TEX11: variants seen among roughly 807,000 people sequenced by gnomAD.
TEX11 encodes the protein testis-expressed protein 11.
In TEX11, 7 loss-of-function variants were observed where a neutral mutation model predicts 84.4. The observed-to-expected ratio is 0.08, with a 90% CI of 0.05 to 0.16. TEX11 has a LOEUF of 0.16. Ranked by LOEUF, TEX11 falls within the 10% of genes least tolerant of loss-of-function variation. TEX11 has a pLI of 1.00. For synonymous variants in TEX11, 264 were observed against 222.8 expected (o/e 1.18, Z -1.64); for missense variants, 551 against 660.5 (o/e 0.83, Z 1.82).
intron 25 of TEX11, among the ~76,000 whole-genome samples, chrX:70,558,813 AAC>A (rs2088323444): frequency 2.7e-5 from 3 of 112,197 alleles, no homozygotes; most frequent in African/African-American, 9.7e-5. Context: ...AAAGATGCTC[AAC>A]ACCATTGGTC....
chrX:70,838,192 G>C (rs988990043), intron 7 of TEX11, among the ~76,000 whole-genome samples: 1 of 111,885 alleles, frequency 8.9e-6, no homozygotes, highest in Non-Finnish European at 1.9e-5. Flanking sequence ...GCCGAGGTGG[G>C]TGGATCACCT....
chrX:70,551,514 A>C (rs891702829), intron 28 of TEX11, among the ~76,000 whole-genome samples: 6 of 111,319 alleles, frequency 5.4e-5, no homozygotes, highest in Non-Finnish European at 1.1e-4. Context: ...GTATGGGTAC[A>C]TGTACACCGC....
intron 4 of TEX11, among the ~76,000 whole-genome samples, chrX:70,864,741 CA>C (rs1158189701): frequency 2.8e-3 from 101 of 36,042 alleles, no homozygotes; most frequent in South Asian, 5.2e-3. Context: ...GATGCCATCT[CA>C]AAAAAAAAAA....
At chrX:70,742,437 T>C (rs2090739543) in intron 10 of TEX11, among the ~76,000 whole-genome samples, 1 of 109,838 alleles carries the variant, frequency 9.1e-6, no homozygotes, top group Admixed American at 9.9e-5. Context: ...AAACTTTTTT[T>C]AAAATCTTAG....
intron 9 of TEX11, among the ~76,000 whole-genome samples, chrX:70,772,645 A>G (rs946905055): frequency 1.8e-5 from 2 of 111,594 alleles, no homozygotes; most frequent in Non-Finnish European, 3.8e-5. Flanking sequence ...CCAGTCACCA[A>G]TTCTAAAGAA....
chrX:70,678,192 T>C (rs1014563815), intron 15 of TEX11, among the ~76,000 whole-genome samples: 3 of 110,411 alleles, frequency 2.7e-5, no homozygotes, highest in African/African-American at 9.9e-5. Context: ...CCTTTTTTTT[T>C]CTTTTCGTCT....
In TEX11 at chrX:70,627,476, C is replaced by CA. The variant is rs373904099; in HGVS notation, c.1608+2134dup. 4.9e-3 allele frequency among the ~76,000 whole-genome samples: 552 copies of CA among 111,651 alleles called. 4 individuals carry two copies. The highest frequency in any genetic ancestry group is 0.017 in the African/African-American group (523 of 30,758). ...TAATCTATGGTGGCAGTTGAGAAGG[C>CA]AGACTATGTGGTGTGATTCCTGGTG... On this transcript the variant is annotated intron_variant, in intron 18 of 29. Coordinates refer to ENST00000374333, the MANE Select transcript of TEX11 (RefSeq NM_031276.3).
At chrX:70,637,985 G>T (rs1603176335) in intron 17 of TEX11, among the ~76,000 whole-genome samples, 1 of 110,072 alleles carries the variant, frequency 9.1e-6, no homozygotes, top group Non-Finnish European at 1.9e-5. Context: ...AAAAGCTTAG[G>T]GACTTATGGG....
chrX:70,700,528 T>C (rs1179459955), intron 13 of TEX11, among the ~76,000 whole-genome samples: 1 of 111,753 alleles, frequency 8.9e-6, no homozygotes, highest in Non-Finnish European at 1.9e-5. Context: ...AACTGCTTCA[T>C]TGACTAATTA....
intron 9 of TEX11, among the ~76,000 whole-genome samples, chrX:70,782,142 G>A (rs761242660): frequency 2.9e-4 from 33 of 112,082 alleles, no homozygotes; most frequent in Non-Finnish European, 4.5e-4. Context: ...CTATAAGCCC[G>A]AAGAGAATGG....
intron 23 of TEX11, among the ~76,000 whole-genome samples, 195 bp from the exon 24 acceptor site, chrX:70,605,712 G>T (rs990174944): frequency 8.9e-6 from 1 of 111,856 alleles, no homozygotes; most frequent in African/African-American, 3.2e-5. Flanking sequence ...ATTGTTTTTA[G>T]TACCTTCCTA....
At chrX:70,696,232 C>T (rs5981005) in intron 13 of TEX11, among the ~76,000 whole-genome samples, 21,533 of 110,560 alleles carry the variant, frequency 0.19, 1,655 homozygotes, top group African/African-American at 0.21. Flanking sequence ...AAAGTGCTCA[C>T]GTATATATGT....
chrX:70,723,439 A>G (rs1162622706), intron 12 of TEX11, among the ~76,000 whole-genome samples: 2 of 112,143 alleles, frequency 1.8e-5, no homozygotes, highest in African/African-American at 6.5e-5. Flanking sequence ...AGTAAGTGAA[A>G]AATTAGAAAG....
intron 24 of TEX11, among the ~76,000 whole-genome samples, chrX:70,601,245 C>T (rs367811169): frequency 1.0e-4 from 7 of 70,017 alleles, no homozygotes; most frequent in East Asian, 4.6e-4. Context: ...AACACCTCTA[C>T]GCAAATAAAC....
At chrX:70,607,767 A>G (rs934182580) in intron 22 of TEX11, among the ~76,000 whole-genome samples, 1 of 112,354 alleles carries the variant, frequency 8.9e-6, no homozygotes, top group African/African-American at 3.2e-5. Flanking sequence ...AGCCCTCATC[A>G]GGCATCAGTC....
chrX:70,701,233 C>T (rs1321263362), intron 13 of TEX11, among the ~76,000 whole-genome samples: 2 of 112,127 alleles, frequency 1.8e-5, no homozygotes, highest in Non-Finnish European at 3.8e-5. Flanking sequence ...AGAGAGAAGT[C>T]AATACCTGGC....
intron 14 of TEX11, among the ~76,000 whole-genome samples, 191 bp downstream of exon 14, chrX:70,682,473 TTTTTGCTTAG>T (rs1384201804): frequency 6.3e-5 from 7 of 111,722 alleles, no homozygotes; most frequent in Admixed American, 1.9e-4. Flanking sequence ...TGGTTTCTTA[TTTTTGCTTAG>T]TTTCTCATTC....
At chrX:70,781,362 A>G (rs1340015070) in intron 9 of TEX11, among the ~76,000 whole-genome samples, 2 of 112,299 alleles carry the variant, frequency 1.8e-5, no homozygotes, top group Non-Finnish European at 3.8e-5. Flanking sequence ...ATGGGGAGAA[A>G]CCAGAGCAGA....
intron 13 of TEX11, among the ~76,000 whole-genome samples, chrX:70,706,293 C>G (rs1445453382): frequency 9.9e-6 from 1 of 101,007 alleles, no homozygotes; most frequent in Non-Finnish European, 2.0e-5. Context: ...GAACATCACA[C>G]ACTGGGGCCT....
Sources: allele counts gnomAD v4.1 joint callset (sites outside exome capture counted in the v4.1 genomes callset), GRCh38; gene constraint gnomAD v4.1.1; transcripts MANE v1.5; gene names NCBI Gene and HGNC (gene_info 2026-07-23, HGNC 2026-07-21).